Variants in PIP4K2A observed in about 807,000 individuals in gnomAD.
The protein encoded by PIP4K2A is phosphatidylinositol-5-phosphate 4-kinase type 2 alpha.
A neutral mutation model predicts 42.9 loss-of-function variants in PIP4K2A; 14 were observed. That is an observed-to-expected ratio of 0.33 (90% CI 0.22 to 0.51). The LOEUF (loss-of-function observed/expected upper bound fraction) is 0.51. Among genes scored for constraint, PIP4K2A ranks in the 20% least tolerant of loss-of-function variants. The pLI, the probability that PIP4K2A is intolerant of heterozygous loss-of-function variation, is 0.97. For missense variants in PIP4K2A, 434 were observed against 519.8 expected, an observed-to-expected ratio of 0.83 and a Z score of 1.61; for synonymous variants, 192 against 192.2, an observed-to-expected ratio of 1.00 and a Z score of 0.01.
At chr10:22,656,271 G>A (rs1313987316) in intron 1 of PIP4K2A, among the ~76,000 whole-genome samples, 2 of 152,138 alleles carry the variant, frequency 1.3e-5, no homozygotes, top group Non-Finnish European at 2.9e-5. Flanking sequence ...CTGGGGCACC[G>A]GCCCCTCTCG....
At chr10:22,629,678 G>A (rs1321203474) in intron 1 of PIP4K2A, among the ~76,000 whole-genome samples, 1 of 152,112 alleles carries the variant, frequency 6.6e-6, no homozygotes, top group Admixed American at 6.5e-5. Context: ...TTCCTAACTT[G>A]TTGACTAAAT....
chr10:22,548,331 T>C (rs1564415279), intron 7 of PIP4K2A, among the ~76,000 whole-genome samples: 1 of 152,318 alleles, frequency 6.6e-6, no homozygotes, highest in East Asian at 1.9e-4. Flanking sequence ...TAATCAATGG[T>C]ATTATTAGAG....
chr10:22,685,521 C>T (rs1839746690), intron 1 of PIP4K2A, among the ~76,000 whole-genome samples: 1 of 139,902 alleles, frequency 7.1e-6, no homozygotes, highest in Admixed American at 6.9e-5. Context: ...AAAGTGACAC[C>T]CATTTTCTAT....
At chr10:22,686,183 G>T (rs1435084804) in intron 1 of PIP4K2A, among the ~76,000 whole-genome samples, 1 of 152,136 alleles carries the variant, frequency 6.6e-6, no homozygotes, top group Non-Finnish European at 1.5e-5. Context: ...TTCAGGAACA[G>T]GAAACTCATT....
At chr10:22,600,416 T>C (rs1314548506) in intron 3 of PIP4K2A, among the ~76,000 whole-genome samples, 1 of 152,026 alleles carries the variant, frequency 6.6e-6, no homozygotes, top group Non-Finnish European at 1.5e-5. Context: ...ACCTGACAGC[T>C]GGGGGGCCGG....
rs1835911060 is a variant in PIP4K2A at position 22,536,101 on chromosome 10, A to G, written c.*1100T>C. 5.0e-6 allele frequency: 2 copies of G among 398,588 alleles called. No homozygotes were observed. The highest frequency in any genetic ancestry group is 8.8e-6 in the Non-Finnish European group (2 of 226,046). 24.7% of individuals were successfully genotyped at this position (398,588 alleles called of 1,614,324 possible). A position where few individuals can be genotyped will look rare whatever the true frequency, so the allele number is the denominator to read the frequency against. On this transcript the variant is annotated 3_prime_UTR_variant, in exon 10 of 10. Transcript: ENST00000376573. Reference sequence around the variant, plus strand: ...GATATCCCTGTTTTCCTAATAATGTAAACAGTAAAACTGAGGGTTTCAGTT... The same window carrying G: ...GATATCCCTGTTTTCCTAATAATGTGAACAGTAAAACTGAGGGTTTCAGTT...
intron 6 of PIP4K2A, among the ~76,000 whole-genome samples, chr10:22,554,000 C>A (rs1004334506): frequency 6.6e-6 from 1 of 151,580 alleles, no homozygotes; most frequent in Non-Finnish European, 1.5e-5. Flanking sequence ...TATGAGATAA[C>A]CGTGGTGGTG....
At chr10:22,651,895 G>C (rs2130813542) in intron 1 of PIP4K2A, among the ~76,000 whole-genome samples, 1 of 152,208 alleles carries the variant, frequency 6.6e-6, no homozygotes, top group Middle Eastern at 3.4e-3. Flanking sequence ...TAGTGATCTG[G>C]ATATAAAATA....
intron 1 of PIP4K2A, among the ~76,000 whole-genome samples, chr10:22,690,438 A>G (rs1839842912): frequency 6.6e-6 from 1 of 152,224 alleles, no homozygotes; most frequent in South Asian, 2.1e-4. Context: ...TAACTCCACT[A>G]ATTTATTTTA....
At chr10:22,602,338 G>A (rs1837801986) in intron 3 of PIP4K2A, among the ~76,000 whole-genome samples, 1 of 149,116 alleles carries the variant, frequency 6.7e-6, no homozygotes, top group South Asian at 2.1e-4. Flanking sequence ...AGGCTGCAGT[G>A]AGCCAAGATT....
rs553184076 is a variant in PIP4K2A at position 22,541,982 on chromosome 10, G to A, written c.858C>T (p.Ala286=). 70 of 1,613,888 alleles carry A rather than the reference G, an allele frequency of 4.3e-5. No homozygotes were observed. The highest frequency in any genetic ancestry group is 5.3e-5 in the Non-Finnish European group (63 of 1,179,922). The change falls in exon 8 of 10, where the codon GCC becomes GCT. Residue 286 remains alanine (A), a synonymous_variant. Coordinates refer to ENST00000376573, the MANE Select transcript of PIP4K2A (RefSeq NM_005028.5). ...CCTCACACTCCACTTCCTCCTGTTC[G>A]GCTCTCTCCACATCATGAATTCCCA... ...LLVGIHDVER[A]EQEEVECEEN...
At chr10:22,622,492 C>T (rs1564446538) in intron 1 of PIP4K2A, among the ~76,000 whole-genome samples, 1 of 152,248 alleles carries the variant, frequency 6.6e-6, no homozygotes, top group Non-Finnish European at 1.5e-5. Flanking sequence ...CCCTCTGCCG[C>T]TGTCCCCTGC....
intron 1 of PIP4K2A, among the ~76,000 whole-genome samples, chr10:22,669,937 C>T (rs1333074026): frequency 6.6e-6 from 1 of 152,174 alleles, no homozygotes; most frequent in Non-Finnish European, 1.5e-5. Flanking sequence ...AAGCAGAGCA[C>T]CTCATCTGGA....
chr10:22,688,646 T>C (rs554361795), intron 1 of PIP4K2A, among the ~76,000 whole-genome samples: 12 of 152,052 alleles, frequency 7.9e-5, no homozygotes, highest in Admixed American at 7.2e-4. Context: ...AGAGATGGGG[T>C]CCTGCTACGT....
intron 6 of PIP4K2A, among the ~76,000 whole-genome samples, chr10:22,558,648 A>G (rs1450652534): frequency 1.3e-5 from 2 of 152,248 alleles, no homozygotes; most frequent in African/African-American, 4.8e-5. Context: ...GGTTTGAGAA[A>G]TGATCTAAGA....
chr10:22,680,747 C>T (rs1433810690), intron 1 of PIP4K2A, among the ~76,000 whole-genome samples: 5 of 152,138 alleles, frequency 3.3e-5, no homozygotes, highest in African/African-American at 1.2e-4. Context: ...CAAGGTGACC[C>T]TACACATGTA....
At chr10:22,672,273 C>T (rs769003605) in intron 1 of PIP4K2A, among the ~76,000 whole-genome samples, 13 of 129,664 alleles carry the variant, frequency 1.0e-4, no homozygotes, top group Non-Finnish European at 2.2e-4. Context: ...AGCTCTGGGT[C>T]GGGGGGACAG....
chr10:22,678,371 C>T (rs929138108), intron 1 of PIP4K2A, among the ~76,000 whole-genome samples: 3 of 152,118 alleles, frequency 2.0e-5, no homozygotes, highest in South Asian at 2.1e-4. Flanking sequence ...AACACACATA[C>T]ATACACACAC....
At position 22,535,842 on chromosome 10, in the gene PIP4K2A, C is replaced by A; in HGVS notation, c.*1359G>T. 1 of 332,986 alleles carries A rather than the reference C, an allele frequency of 3.0e-6. No individual in the cohort carries two copies. The highest frequency in any genetic ancestry group is 5.4e-6 in the Non-Finnish European group (1 of 184,970). 20.6% of individuals were successfully genotyped at this position (332,986 alleles called of 1,614,324 possible). ...TTCATAAACCAGACTGGGGCGAAAT[C>A]TCTTTTTAAAAAAATCAATCATTAG... is the stretch of plus-strand genomic sequence containing the variant. On this transcript the variant is annotated 3_prime_UTR_variant, in exon 10 of 10. Transcript: ENST00000376573.
Sources: allele counts gnomAD v4.1 joint callset (sites outside exome capture counted in the v4.1 genomes callset), GRCh38; gene constraint gnomAD v4.1.1; transcripts MANE v1.5; gene names NCBI Gene and HGNC (gene_info 2026-07-23, HGNC 2026-07-21).